Variants in SGCD observed in about 807,000 individuals in gnomAD.
SGCD encodes delta-sarcoglycan.
SGCD carries 18 observed loss-of-function variants against 36.6 expected under a neutral mutation model. The observed-to-expected ratio is 0.49, with a 90% confidence interval of 0.34 to 0.73. The LOEUF (loss-of-function observed/expected upper bound fraction) is 0.73, where lower values mean the gene tolerates loss of function less well. Ranked by LOEUF, SGCD falls within the 30% of genes least tolerant of loss-of-function variation. The pLI, the probability that SGCD is intolerant of heterozygous loss-of-function variation, is 0.01. For synonymous variants in SGCD, 133 were observed against 130.6 expected (o/e 1.02, Z -0.12); for missense variants, 387 against 346.7 (o/e 1.12, Z -0.92).
At chr5:155,928,282 G>A (rs1454324894) in intron 1 of SGCD, among the ~76,000 whole-genome samples, 1 of 152,116 alleles carries the variant, frequency 6.6e-6, no homozygotes, top group Middle Eastern at 3.2e-3. Context: ...CTTCTTCAGA[G>A]GAGGATATCA....
chr5:156,086,421 C>G (rs565064712), intron 1 of SGCD, among the ~76,000 whole-genome samples: 1 of 152,292 alleles, frequency 6.6e-6, no homozygotes, highest in African/African-American at 2.4e-5. Context: ...GGCAAAGGCT[C>G]TATGCCTTAA....
intron 1 of SGCD, among the ~76,000 whole-genome samples, chr5:156,110,534 T>C (rs1761757790): frequency 6.6e-6 from 1 of 152,100 alleles, no homozygotes; most frequent in African/African-American, 2.4e-5. Flanking sequence ...TTCTGAGGGT[T>C]CTCGGGGACT....
chr5:155,746,622 T>A, the SGCD span, among the ~76,000 whole-genome samples: 30 of 152,308 alleles, frequency 2.0e-4, 1 homozygote, highest in South Asian at 4.6e-3. Flanking sequence ...TTGTCTAGTT[T>A]CCAGCTTCTG....
intron 3 of SGCD, among the ~76,000 whole-genome samples, chr5:156,183,825 A>G (rs1192253751): frequency 6.6e-6 from 1 of 152,204 alleles, no homozygotes; most frequent in Non-Finnish European, 1.5e-5. Flanking sequence ...TGGTAATACA[A>G]GAGTTCAATC....
intron 3 of SGCD, among the ~76,000 whole-genome samples, chr5:156,233,282 A>C (rs1765067691): frequency 1.3e-5 from 2 of 152,272 alleles, no homozygotes; most frequent in Admixed American, 6.5e-5. Flanking sequence ...GCAGTAAAGT[A>C]TAATAAAACA....
chr5:156,636,686 G>A (rs752854007), intron 6 of SGCD, among the ~76,000 whole-genome samples: 8 of 152,154 alleles, frequency 5.3e-5, no homozygotes, highest in Non-Finnish European at 1.2e-4. Flanking sequence ...GCAAAGGCAA[G>A]GACATGGGAA....
chr5:156,155,981 C>CA lies in SGCD; in HGVS notation c.-44+31968dup, dbSNP rs1211915937. On this transcript the variant is annotated intron_variant, in intron 3 of 9. Transcript: ENST00000517913. Reference sequence around the variant, plus strand: ...GCAGGAGAGTATTCCAAAAAGCTATCAAAAAATCAATTGACCTGCCAAAAT... The same window carrying CA: ...GCAGGAGAGTATTCCAAAAAGCTATCAAAAAAATCAATTGACCTGCCAAAAT... Among the ~76,000 whole-genome samples the CA allele has an allele frequency of 2.0e-5, 3 of 151,610 alleles. 1 individual carries two copies. The highest frequency in any genetic ancestry group is 4.9e-5 in the African/African-American group (2 of 40,916).
chr5:156,543,372 C>T (rs1758430642), intron 4 of SGCD, among the ~76,000 whole-genome samples: 1 of 152,176 alleles, frequency 6.6e-6, no homozygotes, highest in African/African-American at 2.4e-5. Flanking sequence ...TTGCTAAGTG[C>T]TGCTCAGTTT....
chr5:156,461,123 T>A (rs1277470986), intron 3 of SGCD, among the ~76,000 whole-genome samples: 1 of 152,130 alleles, frequency 6.6e-6, no homozygotes, highest in African/African-American at 2.4e-5. Context: ...TCAATGTGAG[T>A]CTGTGCCTAT....
At chr5:156,305,678 G>A (rs1459284735) in intron 3 of SGCD, among the ~76,000 whole-genome samples, 2 of 152,162 alleles carry the variant, frequency 1.3e-5, no homozygotes, top group Non-Finnish European at 2.9e-5. Flanking sequence ...TCCACCAACA[G>A]CTTGCACCAT....
At chr5:156,639,541 A>G (rs59802535) in intron 6 of SGCD, among the ~76,000 whole-genome samples, 4,696 of 152,288 alleles carry the variant, frequency 0.031, 246 homozygotes, top group African/African-American at 0.11. Context: ...CCAATATCCA[A>G]TACCCAGCTA....
chr5:156,097,797 C>T (rs975989623), intron 1 of SGCD, among the ~76,000 whole-genome samples: 6 of 152,148 alleles, frequency 3.9e-5, no homozygotes, highest in African/African-American at 1.4e-4. Context: ...GTATTCTGGA[C>T]ATTTTATCTG....
intron 3 of SGCD, among the ~76,000 whole-genome samples, chr5:156,209,780 T>G (rs249885): frequency 0.61 from 92,660 of 151,986 alleles, 28,467 homozygotes; most frequent in East Asian, 0.69. Flanking sequence ...AGCCCATCAT[T>G]GAAGACCCCA....
intron 3 of SGCD, among the ~76,000 whole-genome samples, chr5:156,485,632 G>C (rs770048398): frequency 3.1e-4 from 47 of 152,214 alleles, no homozygotes; most frequent in Non-Finnish European, 6.3e-4. Flanking sequence ...CTCTAGCCTG[G>C]ATGGCAGAGC....
chr5:156,578,139 G>A (rs987773463), intron 4 of SGCD, among the ~76,000 whole-genome samples: 7 of 152,280 alleles, frequency 4.6e-5, no homozygotes, highest in Admixed American at 2.6e-4. Flanking sequence ...GTTGAATTTT[G>A]TCAAAGGCTT....
At chr5:156,376,288 G>T (rs1031644150) in intron 3 of SGCD, among the ~76,000 whole-genome samples, 2 of 152,142 alleles carry the variant, frequency 1.3e-5, no homozygotes, top group Non-Finnish European at 2.9e-5. Flanking sequence ...GAATTGTAGG[G>T]GAAATTTGTA....
chr5:156,076,082 A>G (rs540037173), intron 1 of SGCD, among the ~76,000 whole-genome samples: 1 of 152,262 alleles, frequency 6.6e-6, no homozygotes, highest in African/African-American at 2.4e-5. Context: ...ATGAGATCAC[A>G]GAATGAGACT....
At chr5:155,859,666 G>A in the SGCD span, among the ~76,000 whole-genome samples, 1 of 152,080 alleles carries the variant, frequency 6.6e-6, no homozygotes, top group Non-Finnish European at 1.5e-5. Flanking sequence ...CATCCATGCT[G>A]TCATCAACAG....
At chr5:156,271,428 T>C (rs751577561) in intron 3 of SGCD, among the ~76,000 whole-genome samples, 23 of 152,178 alleles carry the variant, frequency 1.5e-4, no homozygotes, top group Admixed American at 1.1e-3. Context: ...GAGCTTCTTA[T>C]GCTGGAATCT....
Sources: allele counts gnomAD v4.1 joint callset (sites outside exome capture counted in the v4.1 genomes callset), GRCh38; gene constraint gnomAD v4.1.1; transcripts MANE v1.5; gene names NCBI Gene and HGNC (gene_info 2026-07-23, HGNC 2026-07-21).